The following IFT74 variants were observed in gnomAD, a reference collection of about 807,000 sequenced individuals.
IFT74 encodes intraflagellar transport protein 74 homolog.
In IFT74, 92 loss-of-function variants were observed where a neutral mutation model predicts 96.7. That is an observed-to-expected ratio of 0.95 (90% CI 0.80 to 1.13). The LOEUF (loss-of-function observed/expected upper bound fraction) is 1.13. IFT74 is among the 50% of genes most tolerant of loss of function. The pLI is 0.00. For missense variants in IFT74, 811 were observed against 698.2 expected, an observed-to-expected ratio of 1.16 and a Z score of -1.82; for synonymous variants, 223 against 213.2, an observed-to-expected ratio of 1.05 and a Z score of -0.40.
intron 1 of IFT74, among the ~76,000 whole-genome samples, chr9:26,949,917 T>G (rs1466868613): frequency 6.6e-6 from 1 of 152,166 alleles, no homozygotes; most frequent in Admixed American, 6.5e-5. Flanking sequence ...ACCAGTTAAT[T>G]AGGTTTCACA....
upstream of IFT74, among the ~76,000 whole-genome samples, chr9:26,955,498 A>T (rs1433322833): frequency 1.3e-5 from 2 of 152,166 alleles, no homozygotes; most frequent in African/African-American, 4.8e-5. Context: ...TGTCACTTTC[A>T]GTTCCTGTAA....
At chr9:27,003,005 C>T (rs940661258) in intron 8 of IFT74, among the ~76,000 whole-genome samples, 1 of 152,032 alleles carries the variant, frequency 6.6e-6, no homozygotes, top group Non-Finnish European at 1.5e-5. Context: ...TATTTCACTT[C>T]ATTGGTTAAA....
intron 12 of IFT74, among the ~76,000 whole-genome samples, chr9:27,020,387 A>C (rs1829541657): frequency 6.6e-6 from 1 of 151,774 alleles, no homozygotes; most frequent in Non-Finnish European, 1.5e-5. Flanking sequence ...ACTGTAAGCA[A>C]ATTTCTATAT....
chr9:27,054,362 C>A (rs1820066500), intron 16 of IFT74, among the ~76,000 whole-genome samples: 1 of 152,150 alleles, frequency 6.6e-6, no homozygotes. Context: ...AGAGAGCTCT[C>A]TTCATCCCTG....
chr9:27,038,789 A>G (rs73438218), intron 13 of IFT74, among the ~76,000 whole-genome samples: 1,608 of 152,324 alleles, frequency 0.011, 35 homozygotes, highest in African/African-American at 0.037. Flanking sequence ...AAAAATTTGC[A>G]GCAGTTTTTC....
intron 1 of IFT74, among the ~76,000 whole-genome samples, chr9:26,960,383 T>C (rs1826304162): frequency 6.6e-6 from 1 of 152,240 alleles, no homozygotes; most frequent in African/African-American, 2.4e-5. Flanking sequence ...GACATACATT[T>C]TTATATTGTA....
chr9:26,996,289 A>T, intron 8 of IFT74: 1 of 1,384,172 alleles, frequency 7.2e-7, no homozygotes, highest in Non-Finnish European at 1.0e-6. Flanking sequence ...AGCAGTGTTA[A>T]TATATAGAAC....
rs562806173 is a variant in IFT74, at chr9:27,012,859, GGCACCCGCCACCACACCCA to G, written c.789+894_789+912del. On this transcript the variant is annotated intron_variant, in intron 10 of 19. Coordinates refer to ENST00000380062, the MANE Select transcript of IFT74 (RefSeq NM_025103.4). Reference sequence around the variant, plus strand: ...AGCCTCCAGAGTAGCTGGGACTACAGGCACCCGCCACCACACCCAGCTAATTTTTTTGTATTTTTAGTAG... The same window carrying G: ...AGCCTCCAGAGTAGCTGGGACTACAGGCTAATTTTTTTGTATTTTTAGTAG... Among the ~76,000 whole-genome samples, 470 of 151,676 alleles carry G rather than the reference GGCACCCGCCACCACACCCA, an allele frequency of 3.1e-3. 2 individuals carry two copies. The highest frequency in any genetic ancestry group is 2.9e-3 in the Non-Finnish European group (199 of 67,876).
In IFT74 at chr9:26,980,605, T is replaced by C; in HGVS notation, c.291T>C (p.Tyr97=). 1 of 1,601,222 alleles carries C rather than the reference T, an allele frequency of 6.2e-7. No individual in the cohort carries two copies. The highest frequency in any genetic ancestry group is 8.6e-7 in the Non-Finnish European group (1 of 1,168,756). Residue 97 remains tyrosine, a synonymous_variant, in exon 4 of 20, where the codon TAT becomes TAC. Coordinates refer to ENST00000380062, the MANE Select transcript of IFT74 (RefSeq NM_025103.4). ...GGCAAATTTTAGACAAATCTTACTATCTTGGGCTTCTTAGGTATGTTAAAC... is the reference window on the plus strand; with the variant it reads ...GGCAAATTTTAGACAAATCTTACTACCTTGGGCTTCTTAGGTATGTTAAAC... The part of the protein sequence containing the change: ...PQRQILDKSY[Y]LGLLRSKISE...
At chr9:26,996,489 GT>G in intron 8 of IFT74, 1 of 1,444,570 alleles carries the variant, frequency 6.9e-7, no homozygotes, top group Non-Finnish European at 9.2e-7. Flanking sequence ...ACATGGTGAT[GT>G]TCTCATTTTC....
chr9:26,948,651 G>C (rs1825838089), intron 1 of IFT74, among the ~76,000 whole-genome samples: 1 of 151,446 alleles, frequency 6.6e-6, no homozygotes, highest in Non-Finnish European at 1.5e-5. Flanking sequence ...GTTTTTAGTA[G>C]AAACGAGTTT....
chr9:26,994,103 A>T (rs1337409466), intron 8 of IFT74: 1 of 152,210 alleles, frequency 6.6e-6, no homozygotes, highest in Non-Finnish European at 1.5e-5. Context: ...GTTCTTTGGA[A>T]TGTTATTGAA....
chr9:27,028,803 A>G (rs1480770455), intron 12 of IFT74: 1 of 312,068 alleles, frequency 3.2e-6, no homozygotes, highest in African/African-American at 2.2e-5. Flanking sequence ...CTCTAAATTT[A>G]TAGTATTGTC....
chr9:26,953,284 A>G (rs377096549), upstream of IFT74, among the ~76,000 whole-genome samples: 4 of 152,174 alleles, frequency 2.6e-5, no homozygotes, highest in East Asian at 1.9e-4. Flanking sequence ...GTATACAAGG[A>G]GCATTCTTTT....
intron 3 of IFT74, among the ~76,000 whole-genome samples, chr9:26,980,333 A>T (rs1247681163): frequency 1.3e-5 from 2 of 152,248 alleles, no homozygotes; most frequent in East Asian, 1.9e-4. Context: ...TGTAGAGTCT[A>T]CTGTCTTTTA....
At chr9:27,002,293 C>T (rs1034923053) in intron 8 of IFT74, among the ~76,000 whole-genome samples, 6 of 152,174 alleles carry the variant, frequency 3.9e-5, no homozygotes, top group African/African-American at 7.2e-5. Context: ...CACTTTCATG[C>T]GGGTCCATGT....
Position 27,064,387 on chromosome 9 carries a change from T to C in IFT74, c.*1651T>C, listed in dbSNP as rs1218063157. ...AAATTTCACAAGGGAAAAAAACTCTTTTAGCAGTTAAAGAGAATGAAATCT... is the reference window on the plus strand; with the variant it reads ...AAATTTCACAAGGGAAAAAAACTCTCTTAGCAGTTAAAGAGAATGAAATCT... On this transcript the variant is annotated 3_prime_UTR_variant, in exon 20 of 20. Coordinates refer to ENST00000380062, the MANE Select transcript of IFT74 (RefSeq NM_025103.4). Among the ~76,000 whole-genome samples the C allele has an allele frequency of 6.6e-6, 1 of 152,096 alleles. No homozygotes were observed. The highest frequency in any genetic ancestry group is 1.5e-5 in the Non-Finnish European group (1 of 67,964).
chr9:27,007,633 G>A (rs1828859891), intron 8 of IFT74, among the ~76,000 whole-genome samples: 1 of 152,008 alleles, frequency 6.6e-6, no homozygotes, highest in Admixed American at 6.5e-5. Context: ...ATTTTTTTTG[G>A]TAGGGAAATT....
intron 16 of IFT74, among the ~76,000 whole-genome samples, chr9:27,054,746 G>A (rs1055327878): frequency 2.0e-5 from 3 of 152,148 alleles, no homozygotes; most frequent in African/African-American, 7.2e-5. Context: ...GTTGAAAAAG[G>A]CAACACTCTG....
Sources: allele counts gnomAD v4.1 joint callset (sites outside exome capture counted in the v4.1 genomes callset), GRCh38; gene constraint gnomAD v4.1.1; transcripts MANE v1.5; gene names NCBI Gene and HGNC (gene_info 2026-07-23, HGNC 2026-07-21).